NSD1: variants seen among roughly 807,000 people sequenced by gnomAD.
The protein encoded by NSD1 is nuclear receptor binding SET domain protein 1, also known as histone-lysine N-methyltransferase, H3 lysine-36 specific.
A neutral mutation model predicts 242.7 loss-of-function variants in NSD1; 26 were observed. The observed-to-expected ratio is 0.11, with a 90% CI of 0.08 to 0.15. The LOEUF (loss-of-function observed/expected upper bound fraction) is 0.15. Among genes scored for constraint, NSD1 ranks in the 10% least tolerant of loss-of-function variants. The probability of loss-of-function intolerance (pLI) is 1.00; values close to 1 mark genes in which losing one functional copy is unlikely to be tolerated. For synonymous variants in NSD1, 1,106 were observed against 1,178.1 expected (o/e 0.94, Z 1.25); for missense variants, 2,495 against 3,272.8 (o/e 0.76, Z 5.80).
intron 2 of NSD1, among the ~76,000 whole-genome samples, chr5:177,190,865 C>T (rs1380810002): frequency 3.3e-5 from 5 of 151,574 alleles, no homozygotes; most frequent in South Asian, 4.2e-4. Flanking sequence ...GACGGGGTTT[C>T]ACCGTGTTAG....
intron 4 of NSD1, among the ~76,000 whole-genome samples, chr5:177,205,315 C>T (rs1158737612): frequency 1.3e-5 from 2 of 150,704 alleles, no homozygotes; most frequent in Non-Finnish European, 3.0e-5. Context: ...GGATTACAGG[C>T]GTGAGCCACT....
intron 16 of NSD1, among the ~76,000 whole-genome samples, chr5:177,270,334 TTTACTGC>T (rs1757853097): frequency 6.6e-6 from 1 of 152,230 alleles, no homozygotes; most frequent in African/African-American, 2.4e-5. Flanking sequence ...CAGAACTAGT[TTTACTGC>T]TTACCAGGTG....
intron 2 of NSD1, among the ~76,000 whole-genome samples, chr5:177,161,174 A>G (rs1009765716): frequency 1.3e-5 from 2 of 152,118 alleles, no homozygotes; most frequent in Non-Finnish European, 2.9e-5. Flanking sequence ...GCTTGAGCCC[A>G]GTAGTTTGAG....
Position 177,211,709 on chromosome 5 carries a change from C to T in NSD1, c.3310C>T (p.His1104Tyr). The change falls in exon 5 of 23, where the codon CAT becomes TAT. Residue 1104 changes from histidine (H) to tyrosine (Y), a missense_variant. Physicochemically the swap from His to Tyr is moderately conservative, Grantham distance 83. This residue lies in a region of NSD1 where 426 missense variants were observed against 411.4 expected (regional missense o/e 1.04). Transcript: ENST00000439151. ...CCACTTAACAAGTGAAGATGGTGAC[C>T]ATTTTTCTGATGTGCATTTCGATAG... ...MGHLTSEDGD[H>Y]FSDVHFDSKV... 5.0e-6 allele frequency: 8 copies of T among 1,613,942 alleles called. No individual in the cohort carries two copies. The highest frequency in any genetic ancestry group is 5.9e-6 in the Non-Finnish European group (7 of 1,180,000).
intron 2 of NSD1, among the ~76,000 whole-genome samples, chr5:177,163,675 G>A (rs1330123265): frequency 6.6e-6 from 1 of 152,118 alleles, no homozygotes; most frequent in Admixed American, 6.6e-5. Flanking sequence ...TATATTCGGT[G>A]CCACATGCCA....
chr5:177,133,949 C>A lies in NSD1; in HGVS notation c.-21C>A. The A allele has an allele frequency of 6.5e-6, 1 of 152,750 alleles. No individual in the cohort carries two copies. Among genetic ancestry groups the A allele is most frequent in the Non-Finnish European group, 1.4e-5 (1 of 69,462 alleles). 9.5% of individuals were successfully genotyped at this position (152,750 alleles called of 1,614,324 possible). A position where few individuals can be genotyped will look rare whatever the true frequency, so the allele number is the denominator to read the frequency against. On this transcript the variant is annotated 5_prime_UTR_variant, in exon 1 of 23. Transcript: ENST00000439151. This position sits in a 1 kb window ranked among gnomAD's most constrained non-coding sequence, Gnocchi z 6.2. Reference sequence around the variant, plus strand: ...AGCTGGCCCGGGAGGGGGCGCGGGGCACGGTAACTAGTGCGCTGGGGTGGG... The same window carrying A: ...AGCTGGCCCGGGAGGGGGCGCGGGGAACGGTAACTAGTGCGCTGGGGTGGG...
chr5:177,259,294 C>T (rs1244725444), intron 13 of NSD1, among the ~76,000 whole-genome samples: 1 of 152,162 alleles, frequency 6.6e-6, no homozygotes, highest in African/African-American at 2.4e-5. Flanking sequence ...TCATGGGTCT[C>T]ATAAGTAATT....
At chr5:177,236,234 G>A (rs903768925) in intron 6 of NSD1, among the ~76,000 whole-genome samples, 9 of 152,056 alleles carry the variant, frequency 5.9e-5, no homozygotes, top group Non-Finnish European at 1.3e-4. Flanking sequence ...AGGCTATAAA[G>A]TGAAATATAT....
At chr5:177,293,659 AAAG>A (rs1760033603) in intron 22 of NSD1, among the ~76,000 whole-genome samples, 170 bp from the exon 23 acceptor site, 2 of 151,566 alleles carry the variant, frequency 1.3e-5, no homozygotes, top group South Asian at 2.1e-4. Context: ...CTGTGCACAA[AAAG>A]AAGCTGGAAT....
At chr5:177,244,860 A>C (rs1052112348) in intron 9 of NSD1, among the ~76,000 whole-genome samples, 1 of 152,228 alleles carries the variant, frequency 6.6e-6, no homozygotes, top group Non-Finnish European at 1.5e-5. Context: ...GCTATGTGAC[A>C]ATTGTAATCC....
chr5:177,209,571 C>T, intron 4 of NSD1, 65 bp from the exon 5 acceptor site: 1 of 1,010,574 alleles, frequency 9.9e-7, no homozygotes, highest in Non-Finnish European at 1.5e-6. Flanking sequence ...CTTCTGATTT[C>T]ATCTCCCTTT....
At chr5:177,187,981 A>G (rs1371149231) in intron 2 of NSD1, among the ~76,000 whole-genome samples, 3 of 152,226 alleles carry the variant, frequency 2.0e-5, no homozygotes, top group African/African-American at 7.2e-5. Flanking sequence ...AACTGGACCT[A>G]TAGACATTAG....
At chr5:177,254,368 C>G (rs1046292131) in intron 12 of NSD1, among the ~76,000 whole-genome samples, 1 of 152,108 alleles carries the variant, frequency 6.6e-6, no homozygotes, top group African/African-American at 2.4e-5. Context: ...AGAAGTTTTG[C>G]TTAACCCAGT....
intron 5 of NSD1, 106 bp downstream of exon 5, chr5:177,212,301 A>AG (rs1763408477): frequency 6.1e-6 from 7 of 1,148,048 alleles, no homozygotes; most frequent in East Asian, 5.1e-5. Context: ...AGTATAAACT[A>AG]GCGGGGAAGA....
intron 2 of NSD1, among the ~76,000 whole-genome samples, chr5:177,138,094 A>AC (rs1189256328): frequency 3.7e-5 from 5 of 136,080 alleles, no homozygotes; most frequent in African/African-American, 1.7e-4. Flanking sequence ...AAACAACAAA[A>AC]AAACAAACAA....
intron 2 of NSD1, among the ~76,000 whole-genome samples, chr5:177,156,561 G>A (rs1276195076): frequency 1.3e-5 from 2 of 152,078 alleles, no homozygotes; most frequent in South Asian, 2.1e-4. Context: ...ATGGCCTCTA[G>A]TCCCAGGACT....
chr5:177,280,730 C>T lies in NSD1; in HGVS notation c.5788C>T (p.Arg1930Cys), dbSNP rs1468516072. The T allele has an allele frequency of 2.5e-6, 4 of 1,614,104 alleles. No homozygotes were observed. The highest frequency in any genetic ancestry group is 1.1e-5 in the South Asian group (1 of 91,086). The change falls in exon 18 of 23, where the codon CGC (arginine) becomes TGC (cysteine). Residue 1930 changes from arginine (R) to cysteine (C), a missense_variant. Arg to Cys is a radical substitution (Grantham distance 180). Coordinates refer to ENST00000439151, the MANE Select transcript of NSD1 (RefSeq NM_022455.5). The part of the protein sequence containing the change: ...CHPTVCPAGG[R>C]CQNQCFSKRQ... The stretch of plus-strand genomic sequence containing the variant: ...CCCCACAGTGTGTCCTGCCGGAGGG[C>T]GCTGTCAAAACCAGTGCTTTTCCAA...
intron 14 of NSD1, among the ~76,000 whole-genome samples, chr5:177,260,580 T>G (rs1756923766): frequency 6.6e-6 from 1 of 152,026 alleles, no homozygotes; most frequent in South Asian, 2.1e-4. Flanking sequence ...ACTCCTGCCC[T>G]CTAGTGATTT....
chr5:177,228,249 TTTTTCTTTTTC>T (rs1764787543), intron 5 of NSD1, among the ~76,000 whole-genome samples: 1 of 151,524 alleles, frequency 6.6e-6, no homozygotes, highest in Admixed American at 6.6e-5. Flanking sequence ...CATTGGCCTT[TTTTTCTTTTTC>T]TTTTCTTTTT....
Sources: allele counts gnomAD v4.1 joint callset (sites outside exome capture counted in the v4.1 genomes callset), GRCh38; gene constraint gnomAD v4.1.1; regional missense constraint gnomAD v4.1.1; non-coding constraint Gnocchi (gnomAD v3.1); transcripts MANE v1.5; gene names NCBI Gene and HGNC (gene_info 2026-07-23, HGNC 2026-07-21).